UCHL5: variants seen among roughly 807,000 people sequenced by gnomAD.
The protein encoded by UCHL5 is ubiquitin carboxyl-terminal hydrolase isozyme L5.
Under a neutral mutation model 53.8 loss-of-function variants are expected in UCHL5, and 34 were observed. The ratio of observed to expected loss-of-function variants is 0.63; its 90% CI spans 0.48 to 0.84. UCHL5 has a LOEUF of 0.84. Ranked by LOEUF, UCHL5 falls within the 40% of genes least tolerant of loss-of-function variation. The probability of loss-of-function intolerance (pLI) is 0.00; values close to 1 mark genes in which losing one functional copy is unlikely to be tolerated. For missense variants in UCHL5, 290 were observed against 385.6 expected, an observed-to-expected ratio of 0.75 and a Z score of 2.08; for synonymous variants, 111 against 126.3, an observed-to-expected ratio of 0.88 and a Z score of 0.81.
chr1:193,037,256 A>G (rs1157374443), intron 3 of UCHL5, among the ~76,000 whole-genome samples: 6 of 152,028 alleles, frequency 3.9e-5, no homozygotes, highest in African/African-American at 1.4e-4. Context: ...CCAGGCTAAG[A>G]AAAAAGAAAG....
chr1:193,025,468 G>A lies in UCHL5; in HGVS notation c.630-1522C>T, dbSNP rs1658821269. On this transcript the variant is annotated intron_variant, in intron 7 of 10. Coordinates refer to ENST00000367454, the MANE Select transcript of UCHL5 (RefSeq NM_001199261.3). ...AGAATGGGAAGCCAAAATTGTCACT[G>A]CCATCCAGTGGCAAAGTAGCCTCAT... Among the ~76,000 whole-genome samples the A allele has an allele frequency of 2.6e-5, 4 of 152,330 alleles. No homozygotes were observed. In the South Asian group the frequency reaches 8.3e-4, roughly 32 times the overall value.
intron 7 of UCHL5, chr1:193,027,831 G>T: frequency 8.5e-7 from 1 of 1,179,402 alleles, no homozygotes; most frequent in Non-Finnish European, 1.2e-6. Context: ...CCAATCAAAA[G>T]TAGATGTTTG....
chr1:193,059,750 A>C (rs543312220), upstream of UCHL5: 16 of 1,355,794 alleles, frequency 1.2e-5, no homozygotes, highest in African/African-American at 1.5e-5. This position sits in a 1 kb window ranked among gnomAD's most constrained non-coding sequence, Gnocchi z 4.9. Context: ...GGCGCTGCGG[A>C]TCCAGGGGGT....
rs1339763657 is a variant in UCHL5, at chr1:193,015,811, A to C, written c.*540T>G. 6.6e-6 allele frequency: 1 copy of C among 152,170 alleles called. No homozygotes were observed. Among genetic ancestry groups the C allele is most frequent in the African/African-American group, 2.4e-5 (1 of 41,454 alleles). The allele number at this position is 152,170 out of a possible 1,614,324, so 9.4% of individuals were successfully genotyped here. ...TTACTTTTCTACTGACAGCAGTGAA[A>C]ATCACTGGAAATTATACTTTTGTCC... On this transcript the variant is annotated 3_prime_UTR_variant, in exon 11 of 11. Transcript: ENST00000367454.
At chr1:193,026,487 C>A (rs1404251066) in intron 7 of UCHL5, among the ~76,000 whole-genome samples, 1 of 151,982 alleles carries the variant, frequency 6.6e-6, no homozygotes, top group African/African-American at 2.4e-5. Flanking sequence ...GCTAAAGGCA[C>A]GAAAAGATTT....
chr1:193,044,279 C>T (rs1019525330), intron 3 of UCHL5, among the ~76,000 whole-genome samples: 1 of 152,160 alleles, frequency 6.6e-6, no homozygotes, highest in African/African-American at 2.4e-5. Flanking sequence ...ATTCTCCAAG[C>T]ACCACAGTAT....
chr1:193,038,092 G>A (rs1372130296), intron 3 of UCHL5, among the ~76,000 whole-genome samples: 1 of 152,014 alleles, frequency 6.6e-6, no homozygotes, highest in Admixed American at 6.6e-5. Context: ...GATATGGAAG[G>A]TACATACCTC....
intron 1 of UCHL5, among the ~76,000 whole-genome samples, chr1:193,056,782 T>C (rs1312261295): frequency 2.0e-5 from 3 of 152,228 alleles, no homozygotes; most frequent in Non-Finnish European, 4.4e-5. Flanking sequence ...TTTAAATCTA[T>C]AAATTGGGTG....
chr1:193,018,483 T>C (rs1655649347), intron 10 of UCHL5: 2 of 1,002,380 alleles, frequency 2.0e-6, no homozygotes, highest in Non-Finnish European at 2.4e-6. Flanking sequence ...TATAACTATA[T>C]ATTTTTGGAT....
intron 1 of UCHL5, 140 bp from the exon 2 acceptor site, chr1:193,051,957 T>C: frequency 1.7e-6 from 1 of 583,552 alleles, no homozygotes; most frequent in South Asian, 2.3e-5. Flanking sequence ...CCAAATCTCA[T>C]TACTCTCTTT....
chr1:193,055,023 T>C (rs1670173333), intron 1 of UCHL5, among the ~76,000 whole-genome samples: 1 of 152,178 alleles, frequency 6.6e-6, no homozygotes, highest in South Asian at 2.1e-4. Flanking sequence ...TAAACAGATT[T>C]GGCACCAACC....
chr1:193,029,124 C>T (rs1660426104), intron 6 of UCHL5, 55 bp downstream of exon 6: 3 of 1,585,816 alleles, frequency 1.9e-6, no homozygotes, highest in African/African-American at 1.4e-5. Flanking sequence ...AGGGTAAATA[C>T]CCAACAGATT....
chr1:193,042,687 C>G (rs964704890), intron 3 of UCHL5, among the ~76,000 whole-genome samples: 1 of 152,198 alleles, frequency 6.6e-6, no homozygotes, highest in Non-Finnish European at 1.5e-5. Context: ...CAAATGCATT[C>G]CCAACACTGG....
chr1:193,025,261 A>G (rs1042327322), intron 7 of UCHL5, among the ~76,000 whole-genome samples: 1 of 152,234 alleles, frequency 6.6e-6, no homozygotes, highest in African/African-American at 2.4e-5. Flanking sequence ...TGATTGAAAA[A>G]TCTGTGACCT....
intron 10 of UCHL5, among the ~76,000 whole-genome samples, chr1:193,017,989 T>C (rs1655444472): frequency 6.6e-6 from 1 of 151,492 alleles, no homozygotes. Flanking sequence ...TAAAATCATA[T>C]AAATAACATG....
intron 3 of UCHL5, among the ~76,000 whole-genome samples, chr1:193,046,529 AG>A (rs1257528973): frequency 6.6e-6 from 1 of 151,962 alleles, no homozygotes; most frequent in Non-Finnish European, 1.5e-5. Flanking sequence ...AACATGATCA[AG>A]TTTCTTATCT....
intron 3 of UCHL5, among the ~76,000 whole-genome samples, chr1:193,041,368 C>A (rs1665507756): frequency 6.6e-6 from 1 of 152,012 alleles, no homozygotes; most frequent in Non-Finnish European, 1.5e-5. Flanking sequence ...CCACTAAGCA[C>A]ATGAAGGGCA....
chr1:193,055,995 C>T (rs1332753430), intron 1 of UCHL5, among the ~76,000 whole-genome samples: 4 of 152,124 alleles, frequency 2.6e-5, no homozygotes, highest in South Asian at 4.2e-4. Flanking sequence ...ATAGAATTTA[C>T]CAGTGAAGCC....
chr1:193,051,491 A>G (rs554288482), intron 2 of UCHL5, among the ~76,000 whole-genome samples: 1 of 151,594 alleles, frequency 6.6e-6, no homozygotes. Context: ...AAAAAAAAAA[A>G]AAAAAATCAA....
Sources: gnomAD v4.1 joint callset for allele counts (sites outside exome capture counted in the v4.1 genomes callset) on GRCh38, gnomAD v4.1.1 for gene constraint, Gnocchi (gnomAD v3.1) non-coding constraint, MANE v1.5 for transcripts, NCBI Gene and HGNC (gene_info 2026-07-23, HGNC 2026-07-21) for gene names.